Variants in SLC7A14 observed in about 807,000 individuals in gnomAD.
The protein encoded by SLC7A14 is solute carrier family 7 member 14, also known as gamma-aminobutyric acid transporter SLC7A14.
A neutral mutation model predicts 60.2 loss-of-function variants in SLC7A14; 37 were observed. The ratio of observed to expected loss-of-function variants is 0.61; its 90% confidence interval spans 0.47 to 0.81. SLC7A14 has a LOEUF of 0.81. Among genes scored for constraint, SLC7A14 ranks in the 30% least tolerant of loss-of-function variants. The pLI, the probability that SLC7A14 is intolerant of heterozygous loss-of-function variation, is 0.00. For synonymous variants in SLC7A14, 399 were observed against 395.8 expected (o/e 1.01, Z -0.10); for missense variants, 886 against 982.7 (o/e 0.90, Z 1.32).
intron 1 of SLC7A14, among the ~76,000 whole-genome samples, chr3:170,557,333 G>A (rs1053900609): frequency 3.9e-5 from 6 of 152,060 alleles, no homozygotes; most frequent in Middle Eastern, 3.4e-3. Flanking sequence ...CTGCCCAGCC[G>A]AGCCTGGTCT....
chr3:170,480,688 T>C lies in SLC7A14; in HGVS notation c.1594A>G (p.Lys532Glu). Residue 532 changes from lysine (K) to glutamate (E), a missense_variant, in exon 7 of 8, where the codon AAG becomes GAG. Coordinates refer to ENST00000231706, the MANE Select transcript of SLC7A14 (RefSeq NM_020949.3). ...TGAGGCCCAATCAGCTTCTTTAACT[T>C]GATGAGATAAATATTTTCGGATTCA... is the stretch of plus-strand genomic sequence containing the variant. ...ADESENIYLI[K>E]LKKLIGPHYY... The C allele has an allele frequency of 6.2e-7, 1 of 1,614,242 alleles. No homozygotes were observed. Among genetic ancestry groups the C allele is most frequent in the Non-Finnish European group, 8.5e-7 (1 of 1,180,050 alleles).
chr3:170,564,032 C>T (rs1714730863), intron 1 of SLC7A14, among the ~76,000 whole-genome samples: 1 of 152,146 alleles, frequency 6.6e-6, no homozygotes, highest in Admixed American at 6.5e-5. Flanking sequence ...GGGTGTGTAA[C>T]ATTTATCTTT....
chr3:170,570,746 C>A (rs1323414913), intron 1 of SLC7A14, among the ~76,000 whole-genome samples: 1 of 152,084 alleles, frequency 6.6e-6, no homozygotes, highest in African/African-American at 2.4e-5. Flanking sequence ...AGCAGATGCC[C>A]CTATGCCTTC....
chr3:170,507,652 T>C (rs1384097006), intron 2 of SLC7A14, among the ~76,000 whole-genome samples: 1 of 152,130 alleles, frequency 6.6e-6, no homozygotes, highest in Non-Finnish European at 1.5e-5. Flanking sequence ...GATCAAGTGA[T>C]TGAGGGGGTG....
At chr3:170,558,213 C>T (rs548804983) in intron 1 of SLC7A14, among the ~76,000 whole-genome samples, 278 of 152,106 alleles carry the variant, frequency 1.8e-3, no homozygotes, top group Middle Eastern at 3.4e-3. Flanking sequence ...ACTAAAAATA[C>T]AAAAATTAGC....
At chr3:170,573,434 A>G (rs1230311886) in intron 1 of SLC7A14, among the ~76,000 whole-genome samples, 1 of 152,248 alleles carries the variant, frequency 6.6e-6, no homozygotes, top group Non-Finnish European at 1.5e-5. Flanking sequence ...AATGGATCTT[A>G]TACAAGTACG....
intron 3 of SLC7A14, among the ~76,000 whole-genome samples, chr3:170,499,394 G>A (rs1315844125): frequency 6.6e-6 from 1 of 152,006 alleles, no homozygotes; most frequent in Non-Finnish European, 1.5e-5. Context: ...AGATAGGTAA[G>A]ATGATCTGGT....
chr3:170,542,629 CCTT>C (rs1714054318), intron 1 of SLC7A14, among the ~76,000 whole-genome samples: 1 of 152,350 alleles, frequency 6.6e-6, no homozygotes, highest in South Asian at 2.1e-4. Context: ...TTCAAGTCCT[CCTT>C]CTTAAAAAGA....
intron 1 of SLC7A14, among the ~76,000 whole-genome samples, chr3:170,556,063 T>C (rs1006639873): frequency 6.6e-6 from 1 of 152,242 alleles, no homozygotes; most frequent in African/African-American, 2.4e-5. Flanking sequence ...GTTCTGCCCA[T>C]AGTGGGTGTA....
chr3:170,493,020 G>A (rs779255246), intron 4 of SLC7A14, among the ~76,000 whole-genome samples: 1 of 152,156 alleles, frequency 6.6e-6, no homozygotes, highest in African/African-American at 2.4e-5. Context: ...GAGGCTGTCA[G>A]GATTCCCCAC....
At chr3:170,507,044 G>A (rs1712802008) in intron 2 of SLC7A14, among the ~76,000 whole-genome samples, 1 of 152,134 alleles carries the variant, frequency 6.6e-6, no homozygotes, top group Non-Finnish European at 1.5e-5. Flanking sequence ...TTTTAAATAA[G>A]TGTACTTTCA....
At chr3:170,495,614 C>T (rs372341476) in intron 4 of SLC7A14, 54 of 784,436 alleles carry the variant, frequency 6.9e-5, no homozygotes, top group Non-Finnish European at 1.1e-4. Context: ...GTGGGGCCAG[C>T]GGCATAGGAG....
chr3:170,490,834 A>G (rs552249746), intron 4 of SLC7A14, among the ~76,000 whole-genome samples: 9 of 152,374 alleles, frequency 5.9e-5, no homozygotes, highest in African/African-American at 1.4e-4. Context: ...CTTAGCTCAT[A>G]GTGTTGTTAC....
intron 1 of SLC7A14, among the ~76,000 whole-genome samples, chr3:170,534,602 A>G (rs952876547): frequency 2.0e-5 from 3 of 152,234 alleles, no homozygotes; most frequent in Non-Finnish European, 4.4e-5. Flanking sequence ...ATATCTGTAC[A>G]TCTGAGGAAG....
chr3:170,501,061 G>T, intron 3 of SLC7A14, 48 bp downstream of exon 3: 1 of 1,583,072 alleles, frequency 6.3e-7, no homozygotes, highest in South Asian at 1.1e-5. Context: ...TCATTTATGT[G>T]GCTTGGTAAG....
chr3:170,567,905 T>G (rs1286426794), intron 1 of SLC7A14, among the ~76,000 whole-genome samples: 17 of 151,932 alleles, frequency 1.1e-4, no homozygotes, highest in Admixed American at 7.9e-4. Flanking sequence ...ATTCTGGATA[T>G]TAGCCCTTTG....
intron 2 of SLC7A14, among the ~76,000 whole-genome samples, chr3:170,506,361 A>C (rs569661322): frequency 6.6e-6 from 1 of 152,338 alleles, no homozygotes; most frequent in South Asian, 2.1e-4. Context: ...CTATACCCAG[A>C]ACTATTTGTG....
chr3:170,494,686 A>T (rs930542226), intron 4 of SLC7A14, among the ~76,000 whole-genome samples: 8 of 152,260 alleles, frequency 5.3e-5, no homozygotes, highest in African/African-American at 1.9e-4. Flanking sequence ...ATATCAATCA[A>T]GTAATTAAGA....
chr3:170,536,790 T>A (rs921274300), intron 1 of SLC7A14, among the ~76,000 whole-genome samples: 1 of 152,202 alleles, frequency 6.6e-6, no homozygotes, highest in African/African-American at 2.4e-5. Context: ...ATGCATAAGG[T>A]GGCTTTTTGC....
Sources: gnomAD v4.1 joint callset for allele counts (sites outside exome capture counted in the v4.1 genomes callset) on GRCh38, gnomAD v4.1.1 for gene constraint, MANE v1.5 for transcripts, NCBI Gene and HGNC (gene_info 2026-07-23, HGNC 2026-07-21) for gene names.